ARNT2: variants seen among roughly 807,000 people sequenced by gnomAD.
The protein encoded by ARNT2 is aryl hydrocarbon receptor nuclear translocator 2, also known as ARNT protein 2.
Under a neutral mutation model 91.7 loss-of-function variants are expected in ARNT2, and 36 were observed. That is an observed-to-expected ratio of 0.39 (90% CI 0.30 to 0.52). The LOEUF (loss-of-function observed/expected upper bound fraction) is 0.52, where lower values mean the gene tolerates loss of function less well. Among genes scored for constraint, ARNT2 ranks in the 20% least tolerant of loss-of-function variants. The probability of loss-of-function intolerance (pLI) is 0.72; values close to 1 mark genes in which losing one functional copy is unlikely to be tolerated. For missense variants in ARNT2, 775 were observed against 939.3 expected (o/e 0.83, Z 2.29); for synonymous variants, 365 against 347.1 (o/e 1.05, Z -0.57).
chr15:80,455,944 A>T (rs925066088), intron 2 of ARNT2, among the ~76,000 whole-genome samples: 2 of 152,228 alleles, frequency 1.3e-5, no homozygotes, highest in Admixed American at 1.3e-4. Flanking sequence ...GTGTTAAATA[A>T]CCTTCATGTG....
intron 5 of ARNT2, among the ~76,000 whole-genome samples, chr15:80,481,250 C>G (rs1320033754): frequency 6.6e-6 from 1 of 152,246 alleles, no homozygotes; most frequent in Non-Finnish European, 1.5e-5. Context: ...ACGAGAACAG[C>G]TCACCGGGGA....
intron 16 of ARNT2, chr15:80,580,984 A>G: frequency 5.5e-6 from 3 of 546,022 alleles, no homozygotes; most frequent in Non-Finnish European, 9.8e-6. Flanking sequence ...GGCCTTGGTA[A>G]CCAGACTCCA....
At chr15:80,465,755 G>T (rs145304524) in intron 3 of ARNT2, among the ~76,000 whole-genome samples, 11 of 152,244 alleles carry the variant, frequency 7.2e-5, no homozygotes, top group Non-Finnish European at 1.2e-4. Context: ...GGTTTATGTC[G>T]TGGCTCCTCT....
At chr15:80,475,381 C>T (rs572007724) in intron 5 of ARNT2, 158 bp downstream of exon 5, 14 of 733,542 alleles carry the variant, frequency 1.9e-5, no homozygotes, top group East Asian at 9.0e-5. Flanking sequence ...GGTGAAACCC[C>T]GTCTCTACAA....
chr15:80,466,669 T>C (rs112103185), intron 3 of ARNT2, among the ~76,000 whole-genome samples: 122 of 152,352 alleles, frequency 8.0e-4, no homozygotes, highest in African/African-American at 2.5e-3. Context: ...CCCGCTGCCT[T>C]GATGAAGGCT....
chr15:80,413,815 G>A (rs1475850341), intron 1 of ARNT2, among the ~76,000 whole-genome samples: 1 of 152,190 alleles, frequency 6.6e-6, no homozygotes, highest in Non-Finnish European at 1.5e-5. Context: ...GCTGAGCGAG[G>A]GAGGTGGGGC....
rs775387829 is a variant in ARNT2, at chr15:80,563,227, A to ACAC, written c.1307_1309dup (p.Thr436dup). On this transcript the variant is annotated inframe_insertion, in exon 12 of 19. Coordinates refer to ENST00000303329, the MANE Select transcript of ARNT2 (RefSeq NM_014862.4). Reference sequence around the variant, plus strand: ...GAGATTGAGTACATCATCTGCACCAACACCAACGTCAAGTACGTACACTGC... The same window carrying ACAC: ...GAGATTGAGTACATCATCTGCACCAACACCACCAACGTCAAGTACGTACACTGC... 3 of 1,614,126 alleles carry ACAC rather than the reference A, an allele frequency of 1.9e-6. No homozygotes were observed. Among genetic ancestry groups the ACAC allele is most frequent in the Non-Finnish European group, 2.5e-6 (3 of 1,180,022 alleles).
intron 1 of ARNT2, among the ~76,000 whole-genome samples, chr15:80,408,794 C>T (rs1190031394): frequency 6.6e-6 from 1 of 151,796 alleles, no homozygotes; most frequent in Non-Finnish European, 1.5e-5. Flanking sequence ...GGCATTTTGG[C>T]TTTCATCAAA....
At chr15:80,424,539 G>C (rs967790375) in intron 1 of ARNT2, among the ~76,000 whole-genome samples, 4 of 152,122 alleles carry the variant, frequency 2.6e-5, no homozygotes, top group African/African-American at 9.7e-5. Context: ...GCCTCTCTCT[G>C]AGTGCCTCAC....
At chr15:80,590,315 A>G (rs573631981) in intron 17 of ARNT2, among the ~76,000 whole-genome samples, 18 of 152,338 alleles carry the variant, frequency 1.2e-4, no homozygotes, top group Admixed American at 1.0e-3. Context: ...AAGATTTTTG[A>G]TGTTCCTTAA....
At chr15:80,544,317 G>T (rs937487256) in intron 8 of ARNT2, among the ~76,000 whole-genome samples, 1 of 152,082 alleles carries the variant, frequency 6.6e-6, no homozygotes, top group Non-Finnish European at 1.5e-5. Context: ...AATTTAAGTT[G>T]CTGGCTTGAA....
At chr15:80,507,825 G>A (rs1258418604) in intron 5 of ARNT2, among the ~76,000 whole-genome samples, 4 of 152,242 alleles carry the variant, frequency 2.6e-5, no homozygotes, top group South Asian at 2.1e-4. Context: ...AGATTTAGCA[G>A]TAAGGAAGTT....
At position 80,464,896 on chromosome 15, in the gene ARNT2, C is replaced by A. The variant is rs181671002; in HGVS notation, c.195-5322C>A. Among the ~76,000 whole-genome samples the A allele has an allele frequency of 3.4e-3, 513 of 152,268 alleles. 1 individual carries two copies. The highest frequency in any genetic ancestry group is 0.011 in the African/African-American group (441 of 41,552). Reference sequence around the variant, plus strand: ...TGCACCAGAGGCTCCTGACAGCTGACCAGGACTCATGTGTAGACCCCCACG... The same window carrying A: ...TGCACCAGAGGCTCCTGACAGCTGAACAGGACTCATGTGTAGACCCCCACG... On this transcript the variant is annotated intron_variant, in intron 3 of 18. Transcript: ENST00000303329.
At chr15:80,485,068 T>C (rs1896947804) in intron 5 of ARNT2, among the ~76,000 whole-genome samples, 1 of 152,260 alleles carries the variant, frequency 6.6e-6, no homozygotes, top group Non-Finnish European at 1.5e-5. Flanking sequence ...AGAGAGTTCA[T>C]TCATTTGTTT....
chr15:80,492,264 CT>C (rs1897068021), intron 5 of ARNT2, among the ~76,000 whole-genome samples: 1 of 152,162 alleles, frequency 6.6e-6, no homozygotes. Flanking sequence ...TTTCAAACTC[CT>C]AGGCTCAAGC....
chr15:80,530,135 C>T (rs1348130632), intron 8 of ARNT2, among the ~76,000 whole-genome samples: 1 of 152,012 alleles, frequency 6.6e-6, no homozygotes, highest in African/African-American at 2.4e-5. Flanking sequence ...TGTGGTTGTC[C>T]ACTTTTGAGA....
At position 80,576,891 on chromosome 15, in the gene ARNT2, C is replaced by T. The variant is rs1567006631; in HGVS notation, c.1539C>T (p.Ala513=). ...SASEKKMMSS[A]SAAGTQQIYS... is the part of the protein sequence containing the mutation. ...CGGAGAAGAAGATGATGAGCTCAGC[C>T]TCTGCAGCAGGAACCCAGCAGATCT... The change falls in exon 15 of 19, where the codon GCC becomes GCT. Residue 513 remains alanine, a synonymous_variant. Coordinates refer to ENST00000303329, the MANE Select transcript of ARNT2 (RefSeq NM_014862.4). 6.2e-7 allele frequency: 1 copy of T among 1,614,058 alleles called. No homozygotes were observed. The highest frequency in any genetic ancestry group is 2.2e-5 in the East Asian group (1 of 44,874).
chr15:80,516,778 CTTTGCCCTAAG>C (rs1181725484), intron 8 of ARNT2, among the ~76,000 whole-genome samples: 1 of 135,586 alleles, frequency 7.4e-6, no homozygotes, highest in African/African-American at 2.7e-5. Context: ...TATTTTTATT[CTTTGCCCTAAG>C]TTTGCAACAT....
At chr15:80,592,084 G>A (rs541261556) in intron 18 of ARNT2, among the ~76,000 whole-genome samples, 4 of 152,088 alleles carry the variant, frequency 2.6e-5, no homozygotes, top group East Asian at 1.9e-4. Context: ...TCTTCCCACC[G>A]TAGCCCCCAG....
Sources: allele counts gnomAD v4.1 joint callset (sites outside exome capture counted in the v4.1 genomes callset), GRCh38; gene constraint gnomAD v4.1.1; transcripts MANE v1.5; gene names NCBI Gene and HGNC (gene_info 2026-07-23, HGNC 2026-07-21).